The following MFHAS1 variants were observed in gnomAD, a reference collection of about 807,000 sequenced individuals.
MFHAS1 encodes the protein multifunctional ROCO family signaling regulator 1, also known as malignant fibrous histiocytoma-amplified sequence 1.
A neutral mutation model predicts 70.4 loss-of-function variants in MFHAS1; 50 were observed. The ratio of observed to expected loss-of-function variants is 0.71; its 90% CI spans 0.57 to 0.90. MFHAS1 has a LOEUF of 0.90. Among genes scored for constraint, MFHAS1 ranks in the 40% least tolerant of loss-of-function variants. The pLI, the probability that MFHAS1 is intolerant of heterozygous loss-of-function variation, is 0.00. For missense variants in MFHAS1, 1,795 were observed against 1,347.6 expected, an observed-to-expected ratio of 1.33 and a Z score of -5.20; for synonymous variants, 952 against 620.0, an observed-to-expected ratio of 1.54 and a Z score of -7.96.
intron 1 of MFHAS1, among the ~76,000 whole-genome samples, chr8:8,798,117 C>T (rs1286020030): frequency 6.6e-6 from 1 of 152,206 alleles, no homozygotes; most frequent in Non-Finnish European, 1.5e-5. Flanking sequence ...CACCACAATA[C>T]TTAAAGGAAC....
chr8:8,817,090 G>C (rs1806774600), intron 1 of MFHAS1, among the ~76,000 whole-genome samples: 1 of 152,120 alleles, frequency 6.6e-6, no homozygotes, highest in South Asian at 2.1e-4. Context: ...CAGGACACTG[G>C]CTGCTTTCAG....
rs898585339 is a variant in MFHAS1 at position 8,783,842 on chromosome 8, A to G, written c.*2180T>C. 6.6e-6 allele frequency: 1 copy of G among 152,108 alleles called. No individual in the cohort carries two copies. Among genetic ancestry groups the G allele is most frequent in the African/African-American group, 2.4e-5 (1 of 41,420 alleles). 9.4% of individuals were successfully genotyped at this position (152,108 alleles called of 1,614,324 possible). A position where few individuals can be genotyped will look rare whatever the true frequency, so the allele number is the denominator to read the frequency against. On this transcript the variant is annotated 3_prime_UTR_variant, in exon 3 of 3. Coordinates refer to ENST00000276282, the MANE Select transcript of MFHAS1 (RefSeq NM_004225.3). ...TCCTGTAGAGCAGAGTGATTTTTGT[A>G]TCTCCAACCCTCCTCCCAACTTGAA...
intron 1 of MFHAS1, among the ~76,000 whole-genome samples, chr8:8,832,062 G>GCACACACACACACACA (rs59984727): frequency 6.7e-6 from 1 of 149,494 alleles, no homozygotes; most frequent in African/African-American, 2.5e-5. Context: ...GCGCGCGCGC[G>GCACACACACACACACA]CACACACACA....
chr8:8,843,306 A>G (rs1454648433), intron 1 of MFHAS1, among the ~76,000 whole-genome samples: 1 of 151,772 alleles, frequency 6.6e-6, no homozygotes, highest in East Asian at 1.9e-4. Context: ...AAAGAGGGCC[A>G]GGTGCTGTGA....
rs1161739963 is a variant in MFHAS1, at chr8:8,891,967, G to A, written c.1092C>T (p.Leu364=). 1 of 1,612,644 alleles carries A rather than the reference G, an allele frequency of 6.2e-7. No individual in the cohort carries two copies. Among genetic ancestry groups the A allele is most frequent in the South Asian group, 1.1e-5 (1 of 90,980 alleles). ...IAVLPDHFGQ[L]SRVGLWKIKD... is the part of the protein sequence containing the mutation. ...TGATCTTCCACAAACCCACCCGGGA[G>A]AGCTGGCCAAAGTGGTCGGGCAGCA... Residue 364 remains leucine (L), a synonymous_variant, in exon 1 of 3, where the codon CTC becomes CTT. Transcript: ENST00000276282. The surrounding 1 kb of genome is among the most constrained non-coding windows in gnomAD (Gnocchi z 5.4).
At chr8:8,855,890 C>A (rs1259770695) in intron 1 of MFHAS1, among the ~76,000 whole-genome samples, 1 of 152,032 alleles carries the variant, frequency 6.6e-6, no homozygotes, top group East Asian at 1.9e-4. Context: ...TGCTTTCTGC[C>A]GTTATTTTCA....
intron 1 of MFHAS1, among the ~76,000 whole-genome samples, chr8:8,861,672 G>C (rs757643650): frequency 1.4e-4 from 21 of 152,208 alleles, no homozygotes; most frequent in Non-Finnish European, 2.5e-4. Flanking sequence ...CTCCACTACA[G>C]TCATGAGGTA....
At chr8:8,824,369 C>A (rs138369333) in intron 1 of MFHAS1, among the ~76,000 whole-genome samples, 1 of 152,122 alleles carries the variant, frequency 6.6e-6, no homozygotes, top group Non-Finnish European at 1.5e-5. Context: ...CACTCCAGCA[C>A]AGGAAAACCA....
At chr8:8,801,440 C>T (rs1031029336) in intron 1 of MFHAS1, among the ~76,000 whole-genome samples, 1 of 152,166 alleles carries the variant, frequency 6.6e-6, no homozygotes, top group African/African-American at 2.4e-5. Context: ...AAATACTGAG[C>T]AGCAAGCAGA....
At chr8:8,868,591 C>G (rs1408523344) in intron 1 of MFHAS1, among the ~76,000 whole-genome samples, 5 of 151,920 alleles carry the variant, frequency 3.3e-5, no homozygotes, top group African/African-American at 4.8e-5. Flanking sequence ...CTTGGATCAG[C>G]CCAACAAATG....
intron 1 of MFHAS1, among the ~76,000 whole-genome samples, chr8:8,872,941 G>GC (rs1306849145): frequency 6.6e-6 from 1 of 152,202 alleles, no homozygotes; most frequent in Non-Finnish European, 1.5e-5. Context: ...AGAACATCGT[G>GC]CAAGAGTGAG....
At position 8,893,595 on chromosome 8, in the gene MFHAS1, G is replaced by A. The variant is rs1167376322; in HGVS notation, c.-537C>T. 1 of 146,310 alleles carries A rather than the reference G, an allele frequency of 6.8e-6. No individual in the cohort carries two copies. The highest frequency in any genetic ancestry group is 1.5e-5 in the Non-Finnish European group (1 of 65,776). The allele number at this position is 146,310 out of a possible 1,614,324, so 9.1% of individuals were successfully genotyped here. ...GCTCGGGCGGGAGCGCGGGCGCCGC[G>A]TCCCCGGCGCTGGGAGGGCGCGATT... On this transcript the variant is annotated 5_prime_UTR_variant, in exon 1 of 3. In the 5' UTR this introduces an upstream ATG that the reference lacks. Coordinates refer to ENST00000276282, the MANE Select transcript of MFHAS1 (RefSeq NM_004225.3).
Position 8,891,695 on chromosome 8 carries a change from C to T in MFHAS1, c.1364G>A (p.Ser455Asn), listed in dbSNP as rs943824989. Residue 455 changes from serine to asparagine, a missense_variant, in exon 1 of 3, where the codon AGC becomes AAC. By Grantham distance (46) the Ser-to-Asn change is conservative (BLOSUM62 1). Coordinates refer to ENST00000276282, the MANE Select transcript of MFHAS1 (RefSeq NM_004225.3). This position sits in a 1 kb window ranked among gnomAD's most constrained non-coding sequence, Gnocchi z 5.4. Reference sequence around the variant, plus strand: ...CCAGCTGGTCACCTCGATGCCCTTGCTCACAGGGGGAGGTGACGGTGGGTA... The same window carrying T: ...CCAGCTGGTCACCTCGATGCCCTTGTTCACAGGGGGAGGTGACGGTGGGTA... The part of the protein sequence containing the change: ...KCYPPSPPPV[S>N]KGIEVTSWTA... 1.9e-6 allele frequency: 3 copies of T among 1,613,558 alleles called. No homozygotes were observed. The highest frequency in any genetic ancestry group is 1.7e-5 in the Admixed American group (1 of 60,034).
intron 1 of MFHAS1, among the ~76,000 whole-genome samples, chr8:8,887,135 A>G (rs540257379): frequency 1.3e-5 from 2 of 152,286 alleles, no homozygotes; most frequent in South Asian, 4.1e-4. Context: ...TCAAAAACAA[A>G]CAAACAAACA....
chr8:8,835,868 G>C (rs1373435008), intron 1 of MFHAS1, among the ~76,000 whole-genome samples: 1 of 152,198 alleles, frequency 6.6e-6, no homozygotes, highest in East Asian at 1.9e-4. Flanking sequence ...TGTAAATAAA[G>C]TTTTATTGGA....
intron 1 of MFHAS1, among the ~76,000 whole-genome samples, chr8:8,829,266 C>G (rs567461490): frequency 6.6e-6 from 1 of 152,240 alleles, no homozygotes; most frequent in South Asian, 2.1e-4. Flanking sequence ...GCTGCACCCC[C>G]ACCTGGAGGT....
At chr8:8,794,891 G>A (rs1201636320) in intron 2 of MFHAS1, among the ~76,000 whole-genome samples, 4 of 152,170 alleles carry the variant, frequency 2.6e-5, no homozygotes, top group South Asian at 4.1e-4. Flanking sequence ...ATACGCTGTC[G>A]AGAGAGAGGC....
At chr8:8,804,993 T>G (rs1006780328) in intron 1 of MFHAS1, among the ~76,000 whole-genome samples, 2 of 152,188 alleles carry the variant, frequency 1.3e-5, no homozygotes, top group South Asian at 2.1e-4. Context: ...GAGAAGGGGA[T>G]GACTAAATGA....
intron 1 of MFHAS1, among the ~76,000 whole-genome samples, chr8:8,848,385 C>T (rs1808110064): frequency 7.4e-6 from 1 of 135,224 alleles, no homozygotes; most frequent in South Asian, 2.7e-4. Flanking sequence ...GCCAGTCAGG[C>T]CTAAAGAGGA....
Sources: gnomAD v4.1 joint callset for allele counts (sites outside exome capture counted in the v4.1 genomes callset) on GRCh38, gnomAD v4.1.1 for gene constraint, Gnocchi (gnomAD v3.1) non-coding constraint, MANE v1.5 for transcripts, NCBI Gene and HGNC (gene_info 2026-07-23, HGNC 2026-07-21) for gene names.